ERCC5: variants seen among roughly 807,000 people sequenced by gnomAD.
ERCC5 encodes ERCC excision repair 5, endonuclease.
ERCC5 carries 68 observed loss-of-function variants against 105.6 expected under a neutral mutation model. The ratio of observed to expected loss-of-function variants is 0.64; its 90% confidence interval spans 0.53 to 0.79. The LOEUF is 0.79. ERCC5 is among the 30% of genes least tolerant of loss of function. ERCC5 has a pLI of 0.00. For missense variants in ERCC5, 1,373 were observed against 1,426.7 expected (o/e 0.96, Z 0.61); for synonymous variants, 546 against 526.2 (o/e 1.04, Z -0.51).
At position 102,872,336 on chromosome 13, in the gene ERCC5, C is replaced by T. The variant is rs374826471; in HGVS notation, c.2817C>T (p.Pro939=). Residue 939 remains proline, a synonymous_variant, in exon 13 of 15, where the codon CCC becomes CCT. Coordinates refer to ENST00000652225, the MANE Select transcript of ERCC5 (RefSeq NM_000123.4). ...CTGTTGCCGAGGCCTACCTCAAACC[C>T]GTGGTGGATGACTCGAAGGGATCCT... ...NPAVAEAYLK[P]VVDDSKGSFL... is the part of the protein sequence containing the mutation. The T allele has an allele frequency of 1.2e-5, 19 of 1,614,152 alleles. No homozygotes were observed. The highest frequency in any genetic ancestry group is 1.5e-5 in the Non-Finnish European group (18 of 1,180,026).
At chr13:102,872,548 C>G (rs1883069659) in intron 13 of ERCC5, 150 bp downstream of exon 13, 1 of 989,778 alleles carries the variant, frequency 1.0e-6, no homozygotes, top group Non-Finnish European at 1.5e-6. Context: ...CTCTTTCTTC[C>G]CTCTCCTCAG....
rs763115659 is a variant in ERCC5 at position 102,846,256 on chromosome 13, G to T, written c.-11G>T. ...AGTTGTCGGGGTCCGCTCTTAGGAC[G>T]CAGCCGCCTCATGGGGGTCCAGGGG... is the stretch of plus-strand genomic sequence containing the variant. On this transcript the variant is annotated 5_prime_UTR_variant, in exon 1 of 15. Coordinates refer to ENST00000652225, the MANE Select transcript of ERCC5 (RefSeq NM_000123.4). 19 of 1,610,962 alleles carry T rather than the reference G, an allele frequency of 1.2e-5. No individual in the cohort carries two copies. Among genetic ancestry groups the T allele is most frequent in the Middle Eastern group, 3.3e-4 (2 of 6,046 alleles).
Position 102,852,145 on chromosome 13 carries a change from T to G in ERCC5, c.116T>G (p.Leu39Arg). 1.2e-6 allele frequency: 2 copies of G among 1,614,144 alleles called. No individual in the cohort carries two copies. Among genetic ancestry groups the G allele is most frequent in the Non-Finnish European group, 1.7e-6 (2 of 1,180,014 alleles). The change falls in exon 2 of 15, where the codon CTT becomes CGT. Residue 39 changes from leucine to arginine, a missense_variant. Coordinates refer to ENST00000652225, the MANE Select transcript of ERCC5 (RefSeq NM_000123.4). The stretch of plus-strand genomic sequence containing the variant: ...ATTAGCATTTGGTTAAACCAAGCAC[T>G]TAAAGGAGTCCGGGATCGCCATGGG... ...VDISIWLNQA[L>R]KGVRDRHGNS... is the part of the protein sequence containing the mutation.
At position 102,865,649 on chromosome 13, in the gene ERCC5, C is replaced by T; in HGVS notation, c.1955-18C>T. The T allele has an allele frequency of 1.2e-6, 2 of 1,612,374 alleles. No homozygotes were observed. The highest frequency in any genetic ancestry group is 1.7e-6 in the Non-Finnish European group (2 of 1,179,432). ...ATGTTTTGATTGTAGATGAAGTGAC[C>T]TTTTAATTTTGGTACAGGAAGTTTC... On this transcript the variant is annotated intron_variant, in intron 8 of 14. Coordinates refer to ENST00000652225, the MANE Select transcript of ERCC5 (RefSeq NM_000123.4). This position sits in a 1 kb window ranked among gnomAD's most constrained non-coding sequence, Gnocchi z 4.0.
chr13:102,864,616 C>G (rs1344289258), intron 8 of ERCC5: 1 of 152,058 alleles, frequency 6.6e-6, no homozygotes, highest in Non-Finnish European at 1.5e-5. Context: ...GCTTTCTGGC[C>G]AAGCTGTTTC....
Position 102,862,387 on chromosome 13 carries a change from G to A in ERCC5, c.1238G>A (p.Gly413Glu), listed in dbSNP as rs201185418. 3.1e-6 allele frequency: 5 copies of A among 1,614,010 alleles called. No homozygotes were observed. In the East Asian group the frequency reaches 1.1e-4, roughly 36 times the overall value. ...VCAGDDVQTG[G>E]PGAEEMRINS... ...GCTGGGGATGATGTGCAGACGGGAG[G>A]GCCAGGAGCAGAAGAAATGCGTATA... is the stretch of plus-strand genomic sequence containing the variant. Residue 413 changes from glycine to glutamate, a missense_variant, in exon 8 of 15, where the codon GGG becomes GAG. By Grantham distance (98) the Gly-to-Glu change is moderately conservative. Coordinates refer to ENST00000652225, the MANE Select transcript of ERCC5 (RefSeq NM_000123.4).
chr13:102,863,180 A>G, intron 8 of ERCC5, 77 bp downstream of exon 8: 1 of 1,509,274 alleles, frequency 6.6e-7, no homozygotes, highest in Non-Finnish European at 9.0e-7. Context: ...CGGTTAGTGT[A>G]GTCCCGTTTT....
intron 12 of ERCC5, 39 bp from the exon 13 acceptor site, chr13:102,872,159 C>G (rs1883054504): frequency 6.2e-7 from 1 of 1,602,252 alleles, no homozygotes. Flanking sequence ...ACTATAATGT[C>G]TCATTGCTGT....
intron 6 of ERCC5, among the ~76,000 whole-genome samples, chr13:102,860,663 A>G (rs1228066089): frequency 6.6e-6 from 1 of 152,202 alleles, no homozygotes. Context: ...TTTAAGTCCC[A>G]ATTTCTTCAT....
intron 1 of ERCC5, among the ~76,000 whole-genome samples, chr13:102,849,816 G>GA (rs1882130798): frequency 6.6e-6 from 1 of 152,052 alleles, no homozygotes; most frequent in African/African-American, 2.4e-5. Flanking sequence ...CCAGTGCATA[G>GA]AAAAAATGCT....
chr13:102,875,563 G>A lies in ERCC5; in HGVS notation c.3221G>A (p.Arg1074Lys), dbSNP rs1172530202. The change falls in exon 15 of 15, where the codon AGG becomes AAG. Residue 1074 changes from arginine to lysine, a missense_variant. Coordinates refer to ENST00000652225, the MANE Select transcript of ERCC5 (RefSeq NM_000123.4). ...LEESSSLKRK[R>K]LSDSKGKNTC... ...GAGTCATCAAGCCTGAAAAGAAAGA[G>A]GCTTTCAGATTCTAAAGGAAAGAAT... is the stretch of plus-strand genomic sequence containing the variant. 1 of 1,612,686 alleles carries A rather than the reference G, an allele frequency of 6.2e-7. No individual in the cohort carries two copies. Among genetic ancestry groups the A allele is most frequent in the East Asian group, 2.2e-5 (1 of 44,894 alleles).
rs371566420 is a variant in ERCC5, at chr13:102,856,029, G to C, written c.468-23G>C. 2.5e-4 allele frequency: 396 copies of C among 1,612,648 alleles called. 1 individual carries two copies. The highest frequency in any genetic ancestry group is 8.9e-4 in the South Asian group (81 of 91,044). On this transcript the variant is annotated intron_variant, in intron 4 of 14. Transcript: ENST00000652225. ...GGGGTCCTTAAAAATCATAGATATC[G>C]TAAAAGTATGTTTGACTTTCAGTTC... is the stretch of plus-strand genomic sequence containing the variant.
intron 6 of ERCC5, 21 bp from the exon 7 acceptor site, chr13:102,861,486 G>C: frequency 3.7e-6 from 6 of 1,612,586 alleles, no homozygotes; most frequent in Non-Finnish European, 2.5e-6. Flanking sequence ...CAGTAATTTT[G>C]TTTGTTTATT....
At chr13:102,851,426 C>T (rs550460154) in intron 1 of ERCC5, among the ~76,000 whole-genome samples, 18 of 152,282 alleles carry the variant, frequency 1.2e-4, no homozygotes, top group Non-Finnish European at 2.4e-4. Context: ...TCCTGAGTAG[C>T]TGGGACTACA....
In ERCC5 at chr13:102,853,760, A is replaced by G. The variant is rs1346249689; in HGVS notation, c.268A>G (p.Lys90Glu). ...CTTACATCCTTTCTTCTCATAGGTG[A>G]AGAGAAGGCAGAGAAAGGACTTAGC... ...APLLKKQTLVKRRQRKDLASS... is the reference protein window; with the variant it reads ...APLLKKQTLVERRQRKDLASS... Residue 90 changes from lysine (K) to glutamate (E), a missense_variant, in exon 3 of 15, where the codon AAG becomes GAG. By Grantham distance (56) the Lys-to-Glu change is moderately conservative. Around this residue, in one of 3 missense-constraint regions of ERCC5, gnomAD observed 1,004 missense variants for 1,059.7 expected, o/e 0.95. Coordinates refer to ENST00000652225, the MANE Select transcript of ERCC5 (RefSeq NM_000123.4). The G allele has an allele frequency of 1.2e-6, 2 of 1,613,830 alleles. No individual in the cohort carries two copies. The highest frequency in any genetic ancestry group is 1.7e-6 in the Non-Finnish European group (2 of 1,179,814).
At chr13:102,863,148 C>A in intron 8 of ERCC5, 45 bp downstream of exon 8, 1 of 1,591,818 alleles carries the variant, frequency 6.3e-7, no homozygotes, top group African/African-American at 1.3e-5. Context: ...GTAGGATTTC[C>A]CCTCTGTAGG....
rs774188914 is a variant in ERCC5, at chr13:102,858,296, C to G, written c.550C>G (p.Gln184Glu). 2.7e-5 allele frequency: 43 copies of G among 1,614,120 alleles called. 1 individual carries two copies. The Middle Eastern group carries it at 8.2e-4, about 31-fold the overall frequency. Reference sequence around the variant, plus strand: ...ACAGGAAGAGTTCTTTCATAATCCTCAAGCGATAGATATTGAGTCTGAGGA... The same window carrying G: ...ACAGGAAGAGTTCTTTCATAATCCTGAAGCGATAGATATTGAGTCTGAGGA... ...ALQEEFFHNP[Q>E]AIDIESEDFS... The change falls in exon 6 of 15, where the codon CAA becomes GAA. Residue 184 changes from glutamine (Q) to glutamate (E), a missense_variant. Gln to Glu is a conservative substitution (Grantham distance 29). Around this residue, in one of 3 missense-constraint regions of ERCC5, gnomAD observed 1,004 missense variants for 1,059.7 expected, o/e 0.95. Coordinates refer to ENST00000652225, the MANE Select transcript of ERCC5 (RefSeq NM_000123.4).
At chr13:102,868,289 T>C in intron 12 of ERCC5, 32 bp downstream of exon 12, 1 of 1,613,842 alleles carries the variant, frequency 6.2e-7, no homozygotes, top group South Asian at 1.1e-5. Context: ...ATTTGGATAA[T>C]TGTGTAAATA....
intron 6 of ERCC5, 111 bp from the exon 7 acceptor site, chr13:102,861,396 A>G: frequency 1.7e-6 from 2 of 1,173,050 alleles, no homozygotes; most frequent in Non-Finnish European, 1.2e-6. Flanking sequence ...ACTACCATCA[A>G]TGAAAAAAGC....
Sources: gnomAD v4.1 joint callset for allele counts (sites outside exome capture counted in the v4.1 genomes callset) on GRCh38, gnomAD v4.1.1 for gene constraint, gnomAD v4.1.1 regional missense constraint, Gnocchi (gnomAD v3.1) non-coding constraint, MANE v1.5 for transcripts, NCBI Gene and HGNC (gene_info 2026-07-23, HGNC 2026-07-21) for gene names.